The following ADAMTSL1 variants were observed in gnomAD, a reference collection of about 807,000 sequenced individuals.
ADAMTSL1 encodes the protein ADAMTS like 1.
A neutral mutation model predicts 201.8 loss-of-function variants in ADAMTSL1; 126 were observed. The observed-to-expected ratio is 0.62, with a 90% CI of 0.54 to 0.72. The LOEUF is 0.72. ADAMTSL1 is among the 30% of genes least tolerant of loss of function. ADAMTSL1 has a pLI of 0.00. For missense variants in ADAMTSL1, 2,679 were observed against 2,277.8 expected (o/e 1.18, Z -3.59); for synonymous variants, 1,121 against 903.4 (o/e 1.24, Z -4.32).
chr9:18,227,202 C>T (rs978419017), intron 2 of ADAMTSL1, among the ~76,000 whole-genome samples: 4 of 152,090 alleles, frequency 2.6e-5, no homozygotes, highest in Admixed American at 6.6e-5. Flanking sequence ...GTACTATATC[C>T]ATGCTAAATC....
At chr9:18,811,331 C>T (rs1321991424) in intron 20 of ADAMTSL1, among the ~76,000 whole-genome samples, 1 of 152,194 alleles carries the variant, frequency 6.6e-6, no homozygotes, top group Non-Finnish European at 1.5e-5. Flanking sequence ...CCTGGAGTTC[C>T]ACCTTCACCC....
chr9:18,167,890 C>T (rs542019483), intron 2 of ADAMTSL1, among the ~76,000 whole-genome samples: 1 of 152,092 alleles, frequency 6.6e-6, no homozygotes, highest in African/African-American at 2.4e-5. Context: ...ATTTGAGTTA[C>T]TGAAGAATGA....
At chr9:18,606,077 T>G (rs1824993391) in intron 4 of ADAMTSL1, among the ~76,000 whole-genome samples, 1 of 152,134 alleles carries the variant, frequency 6.6e-6, no homozygotes, top group Non-Finnish European at 1.5e-5. Flanking sequence ...CTCTGCAGGG[T>G]TAGGCCGCCC....
At chr9:17,926,521 T>C (rs1274098343) in intron 1 of ADAMTSL1, among the ~76,000 whole-genome samples, 2 of 151,790 alleles carry the variant, frequency 1.3e-5, no homozygotes, top group African/African-American at 2.4e-5. Context: ...AGGAGGAGAG[T>C]GCTGCTCTAA....
At chr9:18,592,362 TA>T (rs1319421277) in intron 4 of ADAMTSL1, among the ~76,000 whole-genome samples, 1 of 152,200 alleles carries the variant, frequency 6.6e-6, no homozygotes, top group Admixed American at 6.5e-5. Flanking sequence ...AAAATTATGA[TA>T]TTTTTTCTGA....
At chr9:18,887,441 G>A (rs963034448) in intron 23 of ADAMTSL1, among the ~76,000 whole-genome samples, 2 of 152,024 alleles carry the variant, frequency 1.3e-5, no homozygotes, top group African/African-American at 2.4e-5. Context: ...TATATAGTAT[G>A]GTATTTTTTC....
chr9:18,173,073 T>G, intron 2 of ADAMTSL1, among the ~76,000 whole-genome samples: 1 of 152,106 alleles, frequency 6.6e-6, no homozygotes, highest in East Asian at 1.9e-4. Flanking sequence ...AAAATGATAA[T>G]ATAAAATGTT....
chr9:18,017,330 C>T (rs1308842228), intron 1 of ADAMTSL1, among the ~76,000 whole-genome samples: 2 of 151,878 alleles, frequency 1.3e-5, no homozygotes, highest in African/African-American at 4.8e-5. Flanking sequence ...AATATGCTTC[C>T]AAGTTTCTAA....
intron 1 of ADAMTSL1, among the ~76,000 whole-genome samples, chr9:18,001,610 G>T (rs1174772449): frequency 6.6e-6 from 1 of 152,062 alleles, no homozygotes; most frequent in Admixed American, 6.6e-5. Context: ...AGAAGAAATT[G>T]TCTGTGTTAG....
In ADAMTSL1 at chr9:18,451,636, G is replaced by A. The variant is rs79329526; in HGVS notation, c.208-53193G>A. 8.2e-3 allele frequency among the ~76,000 whole-genome samples: 1,245 copies of A among 152,324 alleles called. 8 individuals are homozygous for A. The highest frequency in any genetic ancestry group is 0.011 in the Non-Finnish European group (757 of 68,026). On this transcript the variant is annotated intron_variant, in intron 2 of 29. Transcript: ENST00000680146. The stretch of plus-strand genomic sequence containing the variant: ...GAAACCTTACAAATTTCAGCTCCAT[G>A]TGTTACTAATTTACTCTATCTGAAC...
At chr9:18,350,795 G>C (rs912130618) in intron 2 of ADAMTSL1, among the ~76,000 whole-genome samples, 5 of 152,144 alleles carry the variant, frequency 3.3e-5, no homozygotes, top group Admixed American at 6.6e-5. Context: ...GGAAAGAACA[G>C]TTTTCCACCT....
intron 1 of ADAMTSL1, among the ~76,000 whole-genome samples, chr9:17,983,328 C>G (rs1308247437): frequency 6.6e-6 from 1 of 152,204 alleles, no homozygotes; most frequent in African/African-American, 2.4e-5. Flanking sequence ...CTCAGCCTCC[C>G]AAAGTGCTGG....
At position 18,048,570 on chromosome 9, in the gene ADAMTSL1, T is replaced by C. The variant is rs534723681; in HGVS notation, c.88-115292T>C. Among the ~76,000 whole-genome samples, 17 of 152,188 alleles carry C rather than the reference T, an allele frequency of 1.1e-4. 1 individual carries two copies. In the South Asian group the frequency reaches 3.1e-3, roughly 28 times the overall value. On this transcript the variant is annotated intron_variant, in intron 1 of 29. Coordinates refer to the ADAMTSL1 transcript ENST00000680146. ...TGGGAGATGTTACTAATCGGGGAAA[T>C]TGGGTGTGAGATATATGGGGATTCT...
intron 1 of ADAMTSL1, among the ~76,000 whole-genome samples, chr9:18,090,555 A>G (rs897989303): frequency 1.3e-5 from 2 of 152,194 alleles, no homozygotes; most frequent in African/African-American, 4.8e-5. Flanking sequence ...AAATTCAGAG[A>G]CAGAAAAATA....
At chr9:18,119,981 C>T (rs1825430199) in intron 1 of ADAMTSL1, among the ~76,000 whole-genome samples, 1 of 152,134 alleles carries the variant, frequency 6.6e-6, no homozygotes, top group Admixed American at 6.6e-5. Context: ...GTATTTGTTT[C>T]CTCTTGCTGT....
At chr9:18,082,691 C>G (rs1823559748) in intron 1 of ADAMTSL1, among the ~76,000 whole-genome samples, 1 of 152,130 alleles carries the variant, frequency 6.6e-6, no homozygotes, top group African/African-American at 2.4e-5. Flanking sequence ...TAGGCTCAAG[C>G]AAATGTTTGG....
Position 18,399,318 on chromosome 9 carries a change from T to TATACAC in ADAMTSL1, c.208-105508_208-105507insCACATA, listed in dbSNP as rs1554672312. Reference sequence around the variant, plus strand: ...ATATATATATATATATATATATATATATATATATATAAAATTATTATTTTC... The same window carrying TATACAC: ...ATATATATATATATATATATATATATATACACATATATATATAAAATTATTATTTTC... On this transcript the variant is annotated intron_variant, in intron 2 of 29. Coordinates refer to the ADAMTSL1 transcript ENST00000680146. Among the ~76,000 whole-genome samples the TATACAC allele has an allele frequency of 8.8e-4, 89 of 100,796 alleles. 4 individuals carry two copies. Among genetic ancestry groups the TATACAC allele is most frequent in the South Asian group, 3.7e-4 (1 of 2,672 alleles). The allele number at this position is 100,796 out of a possible 152,430, so 66.1% of individuals were successfully genotyped here. A position where few individuals can be genotyped will look rare whatever the true frequency, so the allele number is the denominator to read the frequency against.
rs188421320 is a variant in ADAMTSL1, at chr9:18,523,271, C to T, written c.192-9976C>T. Reference sequence around the variant, plus strand: ...GAAGTGTCTGTTCATATCCTTTTCCCACTTTTTGATGGGGTTTTTTGTTTT... The same window carrying T: ...GAAGTGTCTGTTCATATCCTTTTCCTACTTTTTGATGGGGTTTTTTGTTTT... On this transcript the variant is annotated intron_variant, in intron 2 of 28. Transcript: ENST00000380548. Among the ~76,000 whole-genome samples the T allele has an allele frequency of 2.2e-3, 342 of 152,268 alleles. 1 individual carries two copies. Among genetic ancestry groups the T allele is most frequent in the African/African-American group, 7.7e-3 (319 of 41,534 alleles).
At chr9:18,308,158 A>G (rs1833980366) in intron 2 of ADAMTSL1, among the ~76,000 whole-genome samples, 1 of 152,142 alleles carries the variant, frequency 6.6e-6, no homozygotes, top group Non-Finnish European at 1.5e-5. Flanking sequence ...GAACAAAGAC[A>G]CAATGCACCA....
Sources: allele counts gnomAD v4.1 joint callset (sites outside exome capture counted in the v4.1 genomes callset), GRCh38; gene constraint gnomAD v4.1.1; transcripts MANE v1.5; gene names NCBI Gene and HGNC (gene_info 2026-07-23, HGNC 2026-07-21).